Variants in SEM1 observed in about 807,000 individuals in gnomAD.
The protein encoded by SEM1 is SEM1 26S proteasome subunit, also known as 26S proteasome complex subunit SEM1.
SEM1 carries 3 observed loss-of-function variants against 12.7 expected under a neutral mutation model. The observed-to-expected ratio is 0.24, with a 90% CI of 0.11 to 0.61. The LOEUF (loss-of-function observed/expected upper bound fraction) is 0.61, where lower values mean the gene tolerates loss of function less well. Ranked by LOEUF, SEM1 falls within the 20% of genes least tolerant of loss-of-function variation. The pLI, the probability that SEM1 is intolerant of heterozygous loss-of-function variation, is 0.88. For synonymous variants in SEM1, 30 were observed against 27.8 expected (o/e 1.08, Z -0.25); for missense variants, 59 against 81.3 (o/e 0.73, Z 1.06).
rs546292678 is a variant in SEM1 at position 96,514,742 on chromosome 7, T to C, written c.171-8044A>G. ...TTATATGAGAAAAACTACAAAACTCTGATGAAGGAAATAAAAAAGGTTTTA... is the reference window on the plus strand; with the variant it reads ...TTATATGAGAAAAACTACAAAACTCCGATGAAGGAAATAAAAAAGGTTTTA... On this transcript the variant is annotated intron_variant and NMD_transcript_variant, in intron 2 of 3. Coordinates refer to the SEM1 transcript ENST00000466986. 5.9e-5 allele frequency among the ~76,000 whole-genome samples: 9 copies of C among 151,856 alleles called. No homozygotes were observed. The South Asian group carries it at 8.3e-4, about 14-fold the overall frequency.
exon 4 of SEM1, chr7:96,482,491 T>G (rs1358497723): frequency 6.6e-6 from 1 of 152,204 alleles, no homozygotes; most frequent in Non-Finnish European, 1.5e-5. Context: ...CTTCCAGTTA[T>G]TTTCTGTCCC....
chr7:96,706,561 T>TCAAA lies in SEM1; in HGVS notation c.76+3123_76+3126dup, dbSNP rs1335203282. Among the ~76,000 whole-genome samples, 326 of 80,738 alleles carry TCAAA rather than the reference T, an allele frequency of 4.0e-3. 77 individuals are homozygous for TCAAA. Among genetic ancestry groups the TCAAA allele is most frequent in the Middle Eastern group, 0.032 (3 of 94 alleles). 53.0% of individuals were successfully genotyped at this position (80,738 alleles called of 152,430 possible). A position where few individuals can be genotyped will look rare whatever the true frequency, so the allele number is the denominator to read the frequency against. On this transcript the variant is annotated intron_variant, in intron 1 of 2. Transcript: ENST00000248566. ...TGGGCAACAAGAGTGAAACTCCATC[T>TCAAA]CAAACAAACAAAAAAAAAAAAAAAA... is the stretch of plus-strand genomic sequence containing the variant.
chr7:96,673,765 A>G (rs1789382582), exon 3 of SEM1: 3 of 765,182 alleles, frequency 3.9e-6, no homozygotes, highest in Non-Finnish European at 7.2e-6. Flanking sequence ...ATCTGTTAAC[A>G]GCAGAGGAAA....
chr7:96,527,288 T>C (rs2115686722), intron 2 of SEM1, among the ~76,000 whole-genome samples: 1 of 152,264 alleles, frequency 6.6e-6, no homozygotes, highest in East Asian at 1.9e-4. Flanking sequence ...CAGTGAGTTC[T>C]GAGACTGATG....
chr7:96,601,997 A>G (rs1397953743), intron 2 of SEM1, among the ~76,000 whole-genome samples: 1 of 152,216 alleles, frequency 6.6e-6, no homozygotes, highest in African/African-American at 2.4e-5. Flanking sequence ...TGATACTGCC[A>G]TCAGGGAGAT....
chr7:96,532,764 T>C lies in SEM1; in HGVS notation c.171-26066A>G, dbSNP rs150629065. Among the ~76,000 whole-genome samples the C allele has an allele frequency of 4.6e-4, 70 of 152,234 alleles. No homozygotes were observed. The East Asian group carries it at 0.012, about 26-fold the overall frequency. ...TATCGTACTTGCTAATTACATTTCA[T>C]TTCAGCTGAAAGCTTATTACAGATA... On this transcript the variant is annotated intron_variant and NMD_transcript_variant, in intron 2 of 3. Transcript: ENST00000466986.
intron 2 of SEM1, among the ~76,000 whole-genome samples, chr7:96,531,223 A>G (rs1804631640): frequency 6.6e-6 from 1 of 151,996 alleles, no homozygotes; most frequent in Non-Finnish European, 1.5e-5. Flanking sequence ...TAATAGGAAA[A>G]ATATGAATGA....
rs1584847328 is a variant in SEM1, at chr7:96,665,148, C to A, written c.170+29650G>T. ...TGGCTTTCCCCACAATCCTCTACCC[C>A]AGAAAGGCAGCTTGATCCTAGCCTC... On this transcript the variant is annotated intron_variant, in intron 2 of 2. Coordinates refer to the SEM1 transcript ENST00000417009. Among the ~76,000 whole-genome samples the A allele has an allele frequency of 3.9e-5, 6 of 152,246 alleles. 1 individual carries two copies. The highest frequency in any genetic ancestry group is 3.9e-4 in the Admixed American group (6 of 15,284).
chr7:96,506,939 G>C (rs932303804), intron 2 of SEM1, among the ~76,000 whole-genome samples: 3 of 152,042 alleles, frequency 2.0e-5, no homozygotes, highest in African/African-American at 4.8e-5. Context: ...GAACAGGAAA[G>C]ATGCACAACT....
intron 2 of SEM1, among the ~76,000 whole-genome samples, chr7:96,638,481 A>T (rs903947354): frequency 6.6e-6 from 1 of 152,018 alleles, no homozygotes; most frequent in Non-Finnish European, 1.5e-5. Flanking sequence ...AAATAAATGC[A>T]TTTGTGATAA....
At chr7:96,577,403 G>C (rs777927029) in intron 2 of SEM1, among the ~76,000 whole-genome samples, 45 of 151,632 alleles carry the variant, frequency 3.0e-4, no homozygotes, top group Non-Finnish European at 5.9e-4. Flanking sequence ...TGGGTGAAAA[G>C]GTAAAAATGT....
chr7:96,681,309 T>C (rs1262339826), intron 2 of SEM1, among the ~76,000 whole-genome samples: 1 of 152,102 alleles, frequency 6.6e-6, no homozygotes, highest in Non-Finnish European at 1.5e-5. Context: ...AATGCGGTGT[T>C]TTTTCTAGAA....
At chr7:96,610,284 A>G (rs1293464250) in intron 2 of SEM1, among the ~76,000 whole-genome samples, 1 of 152,076 alleles carries the variant, frequency 6.6e-6, no homozygotes, top group Admixed American at 6.6e-5. Context: ...TTTTTAGTAG[A>G]GATGGGGTTT....
At chr7:96,703,972 A>ACACACACACACAC (rs1554437189) in intron 1 of SEM1, among the ~76,000 whole-genome samples, 6 of 142,182 alleles carry the variant, frequency 4.2e-5, no homozygotes, top group African/African-American at 1.6e-4. Context: ...GTCTCTTAAA[A>ACACACACACACAC]ACACACACAC....
At chr7:96,683,420 T>C (rs2115736310) in intron 2 of SEM1, among the ~76,000 whole-genome samples, 1 of 152,084 alleles carries the variant, frequency 6.6e-6, no homozygotes, top group South Asian at 2.1e-4. Flanking sequence ...ATAGGAACAC[T>C]TTTACACTGT....
chr7:96,529,998 A>T (rs535308534), intron 2 of SEM1, among the ~76,000 whole-genome samples: 2 of 151,808 alleles, frequency 1.3e-5, no homozygotes, highest in South Asian at 4.2e-4. Flanking sequence ...TCATGGGAAA[A>T]CTCTCAACTA....
intron 2 of SEM1, among the ~76,000 whole-genome samples, chr7:96,611,636 T>C (rs1168489085): frequency 6.6e-6 from 1 of 152,192 alleles, no homozygotes; most frequent in African/African-American, 2.4e-5. Flanking sequence ...TGAAAAGTCA[T>C]AGAGATGAGT....
chr7:96,632,640 C>T (rs752141466), intron 2 of SEM1, among the ~76,000 whole-genome samples: 2 of 151,910 alleles, frequency 1.3e-5, no homozygotes, highest in African/African-American at 2.4e-5. Context: ...CACCATGGCA[C>T]GTGTATACCT....
chr7:96,485,564 G>A (rs1441321289), intron 2 of SEM1, among the ~76,000 whole-genome samples: 4 of 77,602 alleles, frequency 5.2e-5, no homozygotes. Context: ...TTTTTTTGAG[G>A]TGGAGTCTCA....
Sources: allele counts gnomAD v4.1 joint callset (sites outside exome capture counted in the v4.1 genomes callset), GRCh38; gene constraint gnomAD v4.1.1; transcripts MANE v1.5; gene names NCBI Gene and HGNC (gene_info 2026-07-23, HGNC 2026-07-21).